Variants in SPSB4 observed in about 807,000 individuals in gnomAD.
The protein encoded by SPSB4 is SPRY domain-containing SOCS box protein 4.
SPSB4 carries 21 observed loss-of-function variants against 20.9 expected under a neutral mutation model. That is an observed-to-expected ratio of 1.01 (90% CI 0.71 to 1.45). The LOEUF is 1.45. Among genes scored for constraint, SPSB4 ranks in the 40% most tolerant of loss-of-function variants. The pLI is 0.00. For synonymous variants in SPSB4, 207 were observed against 183.8 expected, an observed-to-expected ratio of 1.13 and a Z score of -1.02; for missense variants, 399 against 399.2, an observed-to-expected ratio of 1.00 and a Z score of 0.00.
chr3:141,067,548 A>G (rs1937912310), intron 2 of SPSB4, among the ~76,000 whole-genome samples: 2 of 152,234 alleles, frequency 1.3e-5, no homozygotes, highest in Admixed American at 6.5e-5. Context: ...AAACCAGCCC[A>G]CAAGCTGCTG....
intron 2 of SPSB4, among the ~76,000 whole-genome samples, chr3:141,136,343 A>G (rs1414126003): frequency 6.6e-6 from 1 of 152,102 alleles, no homozygotes; most frequent in Non-Finnish European, 1.5e-5. Context: ...CTTTAGTTTA[A>G]TTAGATCCCA....
intron 2 of SPSB4, chr3:141,132,431 G>T (rs924163817): frequency 6.4e-5 from 13 of 204,460 alleles, no homozygotes; most frequent in Non-Finnish European, 1.0e-4. Context: ...ACCCCAAACT[G>T]CTGGGATTAC....
At chr3:141,101,492 C>T (rs1938612113) in intron 2 of SPSB4, among the ~76,000 whole-genome samples, 5 of 152,210 alleles carry the variant, frequency 3.3e-5, no homozygotes, top group Admixed American at 2.0e-4. Context: ...CAGCTCTGCC[C>T]CAAGCTAGTT....
At chr3:141,088,340 T>C (rs572340926) in intron 2 of SPSB4, among the ~76,000 whole-genome samples, 1 of 152,356 alleles carries the variant, frequency 6.6e-6, no homozygotes, top group South Asian at 2.1e-4. Flanking sequence ...TACTTCTAGG[T>C]GGCAGGATAA....
intron 1 of SPSB4, among the ~76,000 whole-genome samples, chr3:141,056,987 C>G (rs1448814399): frequency 1.3e-5 from 2 of 152,250 alleles, no homozygotes; most frequent in African/African-American, 4.8e-5. Context: ...CTTGGGGGCC[C>G]CTGGCTCAGT....
At chr3:141,142,848 G>A (rs1329454325) in intron 2 of SPSB4, among the ~76,000 whole-genome samples, 16 of 109,056 alleles carry the variant, frequency 1.5e-4, no homozygotes, top group East Asian at 2.9e-4. Context: ...ACAGAGTCTC[G>A]CTCTGTCACC....
At chr3:141,116,869 T>A (rs779599891) in intron 2 of SPSB4, among the ~76,000 whole-genome samples, 12 of 152,202 alleles carry the variant, frequency 7.9e-5, no homozygotes, top group Non-Finnish European at 1.6e-4. Flanking sequence ...TCCCAAGGCC[T>A]CTGCTTCTGA....
chr3:141,054,461 C>A (rs1340143664), intron 1 of SPSB4, among the ~76,000 whole-genome samples: 1 of 152,120 alleles, frequency 6.6e-6, no homozygotes, highest in Non-Finnish European at 1.5e-5. Context: ...CCTACATAAG[C>A]CAACTAATTT....
intron 2 of SPSB4, among the ~76,000 whole-genome samples, chr3:141,125,764 A>G (rs1010410220): frequency 1.3e-5 from 2 of 152,214 alleles, no homozygotes; most frequent in Admixed American, 6.5e-5. Context: ...CAGCTCCTGC[A>G]TATTGGGCTC....
chr3:141,133,884 C>T (rs181809399), intron 2 of SPSB4, among the ~76,000 whole-genome samples: 1 of 152,158 alleles, frequency 6.6e-6, no homozygotes, highest in East Asian at 1.9e-4. Context: ...GCAGTATGGT[C>T]ATCTTCACAA....
intron 2 of SPSB4, among the ~76,000 whole-genome samples, chr3:141,116,028 C>T (rs1559852159): frequency 6.6e-6 from 1 of 152,184 alleles, no homozygotes; most frequent in African/African-American, 2.4e-5. Flanking sequence ...ATTAGAAGGC[C>T]TTCATATTAA....
intron 2 of SPSB4, among the ~76,000 whole-genome samples, chr3:141,087,651 G>A (rs562672015): frequency 4.6e-5 from 7 of 152,206 alleles, no homozygotes; most frequent in Non-Finnish European, 1.0e-4. Flanking sequence ...AGGTCAAGTG[G>A]TGGCTTGAGG....
chr3:141,101,035 C>T (rs1442958678), intron 2 of SPSB4, among the ~76,000 whole-genome samples: 1 of 152,188 alleles, frequency 6.6e-6, no homozygotes, highest in African/African-American at 2.4e-5. Context: ...CAGCAGAGGG[C>T]TGGGTCCCCC....
At chr3:141,137,761 A>G (rs1048601308) in intron 2 of SPSB4, among the ~76,000 whole-genome samples, 9 of 152,220 alleles carry the variant, frequency 5.9e-5, no homozygotes, top group Admixed American at 4.6e-4. Context: ...GGATTTTTGC[A>G]TCAATGTTCA....
In SPSB4 at chr3:141,066,204, C is replaced by A; in HGVS notation, c.100C>A (p.Pro34Thr). 1 of 1,531,618 alleles carries A rather than the reference C, an allele frequency of 6.5e-7. No individual in the cohort carries two copies. The allele number at this position is 1,531,618 out of a possible 1,614,324, so 94.9% of individuals were successfully genotyped here. Reference sequence around the variant, plus strand: ...GCTGCGGGGTGCAGAGCCCGGGCGGCCGGCGCGGCTGGACCAGCTGTTGGA... The same window carrying A: ...GCTGCGGGGTGCAGAGCCCGGGCGGACGGCGCGGCTGGACCAGCTGTTGGA... ...RELRGAEPGR[P>T]ARLDQLLDMP... Residue 34 changes from proline (P) to threonine (T), a missense_variant, in exon 2 of 3, where the codon CCG becomes ACG. By Grantham distance (38) the Pro-to-Thr change is conservative. Coordinates refer to ENST00000310546, the MANE Select transcript of SPSB4 (RefSeq NM_080862.3).
At chr3:141,061,323 C>T (rs1937756266) in intron 1 of SPSB4, among the ~76,000 whole-genome samples, 1 of 151,934 alleles carries the variant, frequency 6.6e-6, no homozygotes. Flanking sequence ...CAAAAGCTGA[C>T]AATGTTTATA....
intron 1 of SPSB4, among the ~76,000 whole-genome samples, chr3:141,065,303 T>G (rs1322414007): frequency 6.6e-6 from 1 of 152,182 alleles, no homozygotes; most frequent in African/African-American, 2.4e-5. Context: ...CTGATGTCCA[T>G]GTCCCTGGTG....
At chr3:141,065,752 G>A (rs537433668) in intron 1 of SPSB4, among the ~76,000 whole-genome samples, 200 bp from the exon 2 acceptor site, 1 of 152,316 alleles carries the variant, frequency 6.6e-6, no homozygotes, top group South Asian at 2.1e-4. Flanking sequence ...GAGATGTTAA[G>A]GATTAAACAA....
At chr3:141,101,175 G>T (rs942943228) in intron 2 of SPSB4, among the ~76,000 whole-genome samples, 12 of 152,178 alleles carry the variant, frequency 7.9e-5, no homozygotes, top group Non-Finnish European at 1.8e-4. Context: ...GAGAATGGTG[G>T]GTGGAGCTTA....
Sources: gnomAD v4.1 joint callset for allele counts (sites outside exome capture counted in the v4.1 genomes callset) on GRCh38, gnomAD v4.1.1 for gene constraint, MANE v1.5 for transcripts, NCBI Gene and HGNC (gene_info 2026-07-23, HGNC 2026-07-21) for gene names.